CREBBP: variants seen among roughly 807,000 people sequenced by gnomAD.
CREBBP encodes CREB-binding protein.
CREBBP carries 19 observed loss-of-function variants against 265.0 expected under a neutral mutation model. The observed-to-expected ratio is 0.07, with a 90% CI of 0.05 to 0.11. The LOEUF is 0.11. Among genes scored for constraint, CREBBP ranks in the 10% least tolerant of loss-of-function variants. The pLI is 1.00. For synonymous variants in CREBBP, 1,457 were observed against 1,223.7 expected (o/e 1.19, Z -3.98); for missense variants, 2,525 against 3,219.0 (o/e 0.78, Z 5.22).
At chr16:3,829,313 G>A (rs115146659) in intron 2 of CREBBP, among the ~76,000 whole-genome samples, 1,739 of 152,264 alleles carry the variant, frequency 0.011, 31 homozygotes, top group African/African-American at 0.04. Context: ...GAGAGATAAC[G>A]TTTAAAGTGT....
At chr16:3,866,570 T>C (rs2055182377) in intron 1 of CREBBP, among the ~76,000 whole-genome samples, 1 of 152,128 alleles carries the variant, frequency 6.6e-6, no homozygotes. Flanking sequence ...AAAACATATA[T>C]ACCCCCAAAA....
chr16:3,770,470 A>G (rs958233616), intron 14 of CREBBP, 100 bp downstream of exon 14: 30 of 1,329,802 alleles, frequency 2.3e-5, no homozygotes, highest in Admixed American at 2.2e-4. Context: ...TGCTGAAATT[A>G]TAGGTGTGAA....
intron 13 of CREBBP, among the ~76,000 whole-genome samples, chr16:3,771,315 C>T (rs2053002784): frequency 6.6e-6 from 1 of 152,046 alleles, no homozygotes; most frequent in African/African-American, 2.4e-5. Flanking sequence ...GTGATCCTCC[C>T]GCCTCGGCCT....
chr16:3,861,758 CT>C (rs200213588), intron 1 of CREBBP, among the ~76,000 whole-genome samples: 3,941 of 136,650 alleles, frequency 0.029, 59 homozygotes, highest in Middle Eastern at 0.059. Context: ...AGACATCTAA[CT>C]TTTTTTTTTT....
At chr16:3,757,410 AAAT>A (rs752588568) in intron 18 of CREBBP, 34 bp from the exon 19 acceptor site, 26 of 1,496,538 alleles carry the variant, frequency 1.7e-5, no homozygotes, top group Non-Finnish European at 2.3e-5. Context: ...TTTTATATAA[AAAT>A]ACATTCCATT....
chr16:3,766,320 A>G (rs1332837835), intron 16 of CREBBP, among the ~76,000 whole-genome samples: 1 of 152,194 alleles, frequency 6.6e-6, no homozygotes, highest in Admixed American at 6.6e-5. Context: ...CTACGAAAAT[A>G]CTTCTCCCTT....
chr16:3,825,874 G>A (rs1164579107), intron 2 of CREBBP, among the ~76,000 whole-genome samples: 1 of 152,182 alleles, frequency 6.6e-6, no homozygotes, highest in Non-Finnish European at 1.5e-5. Context: ...CATATGAACA[G>A]GTTAGAATAA....
At chr16:3,753,128 C>T (rs2052512223) in intron 19 of CREBBP, among the ~76,000 whole-genome samples, 1 of 152,212 alleles carries the variant, frequency 6.6e-6, no homozygotes, top group South Asian at 2.1e-4. Flanking sequence ...TGCGACAGGA[C>T]TCGAGCGCCA....
chr16:3,768,136 G>GTGTTT (rs2052905104), intron 15 of CREBBP, among the ~76,000 whole-genome samples: 1 of 51,590 alleles, frequency 1.9e-5, no homozygotes, highest in African/African-American at 6.7e-5. Flanking sequence ...ATTTAAAAGT[G>GTGTTT]TTTTTTTTTT....
At chr16:3,799,756 CCT>C (rs1432798222) in intron 3 of CREBBP, among the ~76,000 whole-genome samples, 7 of 152,162 alleles carry the variant, frequency 4.6e-5, no homozygotes, top group East Asian at 1.9e-4. Context: ...TCAAATAACC[CCT>C]GTCAAAGCCA....
At chr16:3,788,697 TC>T (rs1174369262) in intron 5 of CREBBP, among the ~76,000 whole-genome samples, 2 of 152,188 alleles carry the variant, frequency 1.3e-5, no homozygotes, top group African/African-American at 2.4e-5. Context: ...ACGCCTCTAA[TC>T]CCAGGACTTT....
chr16:3,731,736 C>T lies in CREBBP; in HGVS notation c.4890+40G>A, dbSNP rs147033717. The T allele has an allele frequency of 4.0e-4, 649 of 1,613,432 alleles. 2 individuals are homozygous for T. In the African/African-American group the frequency reaches 6.2e-3, roughly 15 times the overall value. The stretch of plus-strand genomic sequence containing the variant: ...CCAGCTGCGAGTCTTTCCCTCCTCC[C>T]GGCCAGAGGCACGGCTGCAGCACCG... On this transcript the variant is annotated intron_variant, in intron 29 of 30. Coordinates refer to ENST00000262367, the MANE Select transcript of CREBBP (RefSeq NM_004380.3). The surrounding 1 kb of genome is among the most constrained non-coding windows in gnomAD (Gnocchi z 7.7).
At chr16:3,837,793 T>A (rs1355623187) in intron 2 of CREBBP, among the ~76,000 whole-genome samples, 1 of 152,078 alleles carries the variant, frequency 6.6e-6, no homozygotes, top group Non-Finnish European at 1.5e-5. Context: ...AAGTGAAAAG[T>A]TACAGTAAGC....
At chr16:3,873,581 T>A (rs1463409500) in intron 1 of CREBBP, among the ~76,000 whole-genome samples, 2 of 152,200 alleles carry the variant, frequency 1.3e-5, no homozygotes, top group Non-Finnish European at 2.9e-5. Flanking sequence ...TGGTTAACGC[T>A]AGTGTCAGTT....
At chr16:3,768,577 A>T (rs868318200) in intron 15 of CREBBP, among the ~76,000 whole-genome samples, 9 of 152,336 alleles carry the variant, frequency 5.9e-5, no homozygotes, top group Middle Eastern at 6.8e-3. Flanking sequence ...TCCTTCTCAG[A>T]GGCAGGTGTG....
intron 2 of CREBBP, among the ~76,000 whole-genome samples, chr16:3,831,763 G>A (rs1293749743): frequency 9.9e-5 from 15 of 152,176 alleles, no homozygotes; most frequent in African/African-American, 3.1e-4. Flanking sequence ...TTGGGAGGCT[G>A]AGGCAGGCGG....
intron 28 of CREBBP, 21 bp downstream of exon 28, chr16:3,736,015 A>G (rs760200925): frequency 2.5e-6 from 4 of 1,614,180 alleles, no homozygotes; most frequent in Non-Finnish European, 3.4e-6. Flanking sequence ...TGGGCAATGG[A>G]GCTCAGAGAA....
Position 3,738,312 on chromosome 16 carries a change from G to GT in CREBBP, c.4394+246dup, listed in dbSNP as rs1376047444. Reference sequence around the variant, plus strand: ...GATATGTAAACTTTGCCTCAATAAAGTTAAAAAAAAAAAAAAAGGGAATGA... The same window carrying GT: ...GATATGTAAACTTTGCCTCAATAAAGTTTAAAAAAAAAAAAAAAGGGAATGA... On this transcript the variant is annotated intron_variant, in intron 26 of 30. Coordinates refer to ENST00000262367, the MANE Select transcript of CREBBP (RefSeq NM_004380.3). Among the ~76,000 whole-genome samples the GT allele has an allele frequency of 3.2e-3, 415 of 130,610 alleles. No homozygotes were observed. The highest frequency in any genetic ancestry group is 0.012 in the African/African-American group (396 of 32,780). The allele number at this position is 130,610 out of a possible 152,430, so 85.7% of individuals were successfully genotyped here.
chr16:3,872,054 A>G (rs2055310534), intron 1 of CREBBP, among the ~76,000 whole-genome samples: 1 of 152,194 alleles, frequency 6.6e-6, no homozygotes, highest in Non-Finnish European at 1.5e-5. Context: ...AACACCGGGG[A>G]AAATGTCACA....
Sources: allele counts gnomAD v4.1 joint callset (sites outside exome capture counted in the v4.1 genomes callset), GRCh38; gene constraint gnomAD v4.1.1; non-coding constraint Gnocchi (gnomAD v3.1); transcripts MANE v1.5; gene names NCBI Gene and HGNC (gene_info 2026-07-23, HGNC 2026-07-21).